The following CBLN1 variants were observed in gnomAD, a reference collection of about 807,000 sequenced individuals.
CBLN1 encodes cerebellin-1.
A neutral mutation model predicts 15.9 loss-of-function variants in CBLN1; 5 were observed. The ratio of observed to expected loss-of-function variants is 0.31; its 90% confidence interval spans 0.16 to 0.66. The LOEUF is 0.66. CBLN1 is among the 30% of genes least tolerant of loss of function. The pLI is 0.75. For synonymous variants in CBLN1, 90 were observed against 107.6 expected, an observed-to-expected ratio of 0.84 and a Z score of 1.01; for missense variants, 164 against 253.7, an observed-to-expected ratio of 0.65 and a Z score of 2.40.
chr16:49,279,683 G>T (rs1413185186), intron 2 of CBLN1, 82 bp from the exon 3 acceptor site: 20 of 1,200,352 alleles, frequency 1.7e-5, no homozygotes, highest in Non-Finnish European at 2.4e-5. Context: ...CTCCTTGCTT[G>T]GCTAACAGCC....
chr16:49,279,999 C>A (rs1963242222), intron 2 of CBLN1, among the ~76,000 whole-genome samples: 1 of 152,138 alleles, frequency 6.6e-6, no homozygotes, highest in Non-Finnish European at 1.5e-5. Flanking sequence ...AAAAAAAACC[C>A]AGCAACTCAG....
In CBLN1 at chr16:49,279,384, C is replaced by T. The variant is rs748538130; in HGVS notation, c.*20G>A. The stretch of plus-strand genomic sequence containing the variant: ...TCCTGCCTTCGCCCTCTCCCTGCCT[C>T]CCTTCCGGCTACGAGCCAGTCAGAG... On this transcript the variant is annotated 3_prime_UTR_variant, in exon 3 of 3. Coordinates refer to ENST00000219197, the MANE Select transcript of CBLN1 (RefSeq NM_004352.4). 1.2e-6 allele frequency: 2 copies of T among 1,612,818 alleles called. No homozygotes were observed. The highest frequency in any genetic ancestry group is 1.6e-4 in the Middle Eastern group (1 of 6,062).
At chr16:49,280,867 C>A in intron 2 of CBLN1, 56 bp downstream of exon 2, 2 of 1,610,786 alleles carry the variant, frequency 1.2e-6, no homozygotes, top group Non-Finnish European at 1.7e-6. Context: ...CCCGAGCACC[C>A]CTGAGGCCAG....
Position 49,281,495 on chromosome 16 carries a change from C to A in CBLN1, c.-30G>T. The A allele has an allele frequency of 1.5e-6, 2 of 1,296,048 alleles. No individual in the cohort carries two copies. Among genetic ancestry groups the A allele is most frequent in the African/African-American group, 1.6e-5 (1 of 62,718 alleles). The allele number at this position is 1,296,048 out of a possible 1,614,324, so 80.3% of individuals were successfully genotyped here. On this transcript the variant is annotated 5_prime_UTR_variant, in exon 1 of 3. Transcript: ENST00000219197. ...CCGCCGGCGCCCACCCCGCCCCCCA[C>A]CCCCAGGGCTGCTCGCGCCAGCCGC...
intron 2 of CBLN1, 114 bp from the exon 3 acceptor site, chr16:49,279,715 G>GT: frequency 1.0e-5 from 7 of 682,636 alleles, no homozygotes; most frequent in Non-Finnish European, 1.2e-5. Context: ...GAAGCACGGA[G>GT]AGGTGGGGGG....
In CBLN1 at chr16:49,281,648, C is replaced by T. The variant is rs1963305131; in HGVS notation, c.-183G>A. The stretch of plus-strand genomic sequence containing the variant: ...AGCGTCCCCTCCGCGACTAGCGTCC[C>T]CTCCGCGCTGTGTTCCCGGAGCCCC... On this transcript the variant is annotated 5_prime_UTR_variant, in exon 1 of 3. Transcript: ENST00000219197. The T allele has an allele frequency of 2.4e-6, 1 of 414,208 alleles. No individual in the cohort carries two copies. The highest frequency in any genetic ancestry group is 4.1e-6 in the Non-Finnish European group (1 of 242,702). 25.7% of individuals were successfully genotyped at this position (414,208 alleles called of 1,614,324 possible).
rs1278261936 is a variant in CBLN1, at chr16:49,281,511, C to T, written c.-46G>A. ...CGCCCCCCACCCCCAGGGCTGCTCG[C>T]GCCAGCCGCCCCCCCCGTCCCAGTC... On this transcript the variant is annotated 5_prime_UTR_variant, in exon 1 of 3. Transcript: ENST00000219197. 3.0e-6 allele frequency: 3 copies of T among 984,932 alleles called. No homozygotes were observed. The highest frequency in any genetic ancestry group is 5.5e-5 in the East Asian group (1 of 18,274). 61.0% of individuals were successfully genotyped at this position (984,932 alleles called of 1,614,324 possible). A position where few individuals can be genotyped will look rare whatever the true frequency, so the allele number is the denominator to read the frequency against.
rs886363060 is a variant in CBLN1 at position 49,278,435 on chromosome 16, T to A, written c.*969A>T. On this transcript the variant is annotated 3_prime_UTR_variant, in exon 3 of 3. Coordinates refer to ENST00000219197, the MANE Select transcript of CBLN1 (RefSeq NM_004352.4). Reference sequence around the variant, plus strand: ...TATGGTTGCGTTCCCCCAAGTCTCCTGCCTTTCGGAACCTCGCCCTTTGGC... The same window carrying A: ...TATGGTTGCGTTCCCCCAAGTCTCCAGCCTTTCGGAACCTCGCCCTTTGGC... 1 of 152,258 alleles carries A rather than the reference T, an allele frequency of 6.6e-6. No individual in the cohort carries two copies. Among genetic ancestry groups the A allele is most frequent in the African/African-American group, 2.4e-5 (1 of 41,462 alleles). The allele number at this position is 152,258 out of a possible 1,614,324, so 9.4% of individuals were successfully genotyped here.
rs540616212 is a variant in CBLN1 at position 49,279,030 on chromosome 16, G to A, written c.*374C>T. ...TTTCAGTAGGCAGAAGGATTCAGAG[G>A]GGGCTAGGGAGAAAGATTTCAGATT... is the stretch of plus-strand genomic sequence containing the variant. On this transcript the variant is annotated 3_prime_UTR_variant, in exon 3 of 3. Coordinates refer to ENST00000219197, the MANE Select transcript of CBLN1 (RefSeq NM_004352.4). 2.9e-5 allele frequency: 6 copies of A among 205,620 alleles called. No individual in the cohort carries two copies. The highest frequency in any genetic ancestry group is 1.2e-4 in the Admixed American group (2 of 17,368). The allele number at this position is 205,620 out of a possible 1,614,324, so 12.7% of individuals were successfully genotyped here. A position where few individuals can be genotyped will look rare whatever the true frequency, so the allele number is the denominator to read the frequency against.
rs1822437127 is a variant in CBLN1 at position 49,279,148 on chromosome 16, AC to A, written c.*255del. On this transcript the variant is annotated 3_prime_UTR_variant, in exon 3 of 3. Transcript: ENST00000219197. The stretch of plus-strand genomic sequence containing the variant: ...TGACAAGGCAGTCTCTTTCTTGATT[AC>A]TGCAACTGGAATGGGGGAGGCGAGT... 1 of 517,916 alleles carries A rather than the reference AC, an allele frequency of 1.9e-6. No individual in the cohort carries two copies. Among genetic ancestry groups the A allele is most frequent in the Non-Finnish European group, 3.4e-6 (1 of 293,612 alleles). 32.1% of individuals were successfully genotyped at this position (517,916 alleles called of 1,614,324 possible). A position where few individuals can be genotyped will look rare whatever the true frequency, so the allele number is the denominator to read the frequency against.
chr16:49,281,092 T>G (rs1319539896), intron 1 of CBLN1, 50 bp from the exon 2 acceptor site: 5 of 1,614,188 alleles, frequency 3.1e-6, no homozygotes, highest in Non-Finnish European at 4.2e-6. Flanking sequence ...GGTCCCGGAC[T>G]GTCGTCCCCG....
At position 49,279,323 on chromosome 16, in the gene CBLN1, T is replaced by C; in HGVS notation, c.*81A>G. 7.6e-7 allele frequency: 1 copy of C among 1,323,272 alleles called. No homozygotes were observed. The highest frequency in any genetic ancestry group is 1.4e-5 in the African/African-American group (1 of 69,248). 82.0% of individuals were successfully genotyped at this position (1,323,272 alleles called of 1,614,324 possible). A position where few individuals can be genotyped will look rare whatever the true frequency, so the allele number is the denominator to read the frequency against. On this transcript the variant is annotated 3_prime_UTR_variant, in exon 3 of 3. Coordinates refer to ENST00000219197, the MANE Select transcript of CBLN1 (RefSeq NM_004352.4). ...GGAAGTTTCAAGTCGTGCTGCTTTCTCGCCCTCTTAATTTCAGCCTCTTTC... is the reference window on the plus strand; with the variant it reads ...GGAAGTTTCAAGTCGTGCTGCTTTCCCGCCCTCTTAATTTCAGCCTCTTTC...
Position 49,281,202 on chromosome 16 carries a change from C to G in CBLN1, c.264G>C (p.Gln88His), listed in dbSNP as rs1256929167. The G allele has an allele frequency of 3.7e-6, 6 of 1,614,178 alleles. No homozygotes were observed. In the South Asian group the frequency reaches 6.6e-5, roughly 18 times the overall value. The change falls in exon 1 of 3, where the codon CAG becomes CAC. Residue 88 changes from glutamine to histidine, a missense_variant and splice_region_variant. Physicochemically the swap from Gln to His is conservative, Grantham distance 24. Coordinates refer to ENST00000219197, the MANE Select transcript of CBLN1 (RefSeq NM_004352.4). ...SNRTMIIYFD[Q>H]VLVNIGNNFD... ...CGCCGCGGGAGGAAGGAACACTCAC[C>G]TGGTCGAAGTAGATGATCATGGTGC...
rs747463472 is a variant in CBLN1, at chr16:49,279,397, G to C, written c.*7C>G. 2.5e-6 allele frequency: 4 copies of C among 1,613,734 alleles called. No individual in the cohort carries two copies. The Admixed American group carries it at 5.0e-5, about 20-fold the overall frequency. On this transcript the variant is annotated 3_prime_UTR_variant, in exon 3 of 3. Coordinates refer to ENST00000219197, the MANE Select transcript of CBLN1 (RefSeq NM_004352.4). Reference sequence around the variant, plus strand: ...CTCTCCCTGCCTCCCTTCCGGCTACGAGCCAGTCAGAGAGGAAACACCAGG... The same window carrying C: ...CTCTCCCTGCCTCCCTTCCGGCTACCAGCCAGTCAGAGAGGAAACACCAGG...
In CBLN1 at chr16:49,281,826, G is replaced by T; in HGVS notation, c.-361C>A. On this transcript the variant is annotated 5_prime_UTR_variant, in exon 1 of 3. Coordinates refer to ENST00000219197, the MANE Select transcript of CBLN1 (RefSeq NM_004352.4). ...TATTGATGCAGCCGGCGCTGCAGCC[G>T]GAGCGGGCGGAGAGCGCGCGCCGGG... is the stretch of plus-strand genomic sequence containing the variant. The T allele has an allele frequency of 5.1e-6, 1 of 195,612 alleles. No individual in the cohort carries two copies. The highest frequency in any genetic ancestry group is 1.0e-5 in the Non-Finnish European group (1 of 96,700). The allele number at this position is 195,612 out of a possible 1,614,324, so 12.1% of individuals were successfully genotyped here. A position where few individuals can be genotyped will look rare whatever the true frequency, so the allele number is the denominator to read the frequency against.
At chr16:49,279,700 G>T in intron 2 of CBLN1, 99 bp from the exon 3 acceptor site, 1 of 908,312 alleles carries the variant, frequency 1.1e-6, no homozygotes, top group Non-Finnish European at 1.7e-6. Context: ...AGCCTGTAAG[G>T]CCTGGAAGCA....
intron 2 of CBLN1, among the ~76,000 whole-genome samples, chr16:49,280,473 G>A (rs1032336982): frequency 6.6e-6 from 1 of 152,222 alleles, no homozygotes; most frequent in African/African-American, 2.4e-5. Context: ...TTGGGGACAA[G>A]TGGGAGAAAA....
Position 49,280,256 on chromosome 16 carries a change from C to A in CBLN1, c.385-655G>T, listed in dbSNP as rs184010325. On this transcript the variant is annotated intron_variant, in intron 2 of 2. Coordinates refer to ENST00000219197, the MANE Select transcript of CBLN1 (RefSeq NM_004352.4). ...GTCAGCCAAGGGCCTCGCGCCCTCT[C>A]CCCAGCTGTGCGTCCCACCTCTCTC... Among the ~76,000 whole-genome samples the A allele has an allele frequency of 6.8e-3, 1,030 of 152,310 alleles. 14 individuals are homozygous for A. Among genetic ancestry groups the A allele is most frequent in the African/African-American group, 0.023 (963 of 41,572 alleles).
chr16:49,280,274 C>A (rs1162223368), intron 2 of CBLN1, among the ~76,000 whole-genome samples: 4 of 152,240 alleles, frequency 2.6e-5, no homozygotes, highest in African/African-American at 4.8e-5. Flanking sequence ...GTGCGTCCCA[C>A]CTCTCTCGGC....
Sources: allele counts gnomAD v4.1 joint callset (sites outside exome capture counted in the v4.1 genomes callset), GRCh38; gene constraint gnomAD v4.1.1; transcripts MANE v1.5; gene names NCBI Gene and HGNC (gene_info 2026-07-23, HGNC 2026-07-21).